Variants in KCNQ1OT1 observed in about 807,000 individuals in gnomAD.
KCNQ1OT1 encodes the protein KCNQ1 opposite strand/antisense transcript 1.
chr11:2,634,579 T>C (rs1274939625), exon 1 of KCNQ1OT1: 1 of 152,192 alleles, frequency 6.6e-6, no homozygotes, highest in Non-Finnish European at 1.5e-5. Flanking sequence ...CAGTCTATCA[T>C]TGATGGACAT....
At position 2,646,688 on chromosome 11, in the gene KCNQ1OT1, C is replaced by G. The variant is rs183750331; in HGVS notation, n.53307G>C. 13 of 398,590 alleles carry G rather than the reference C, an allele frequency of 3.3e-5. No homozygotes were observed. The East Asian group carries it at 4.6e-4, about 14-fold the overall frequency. 24.7% of individuals were successfully genotyped at this position (398,590 alleles called of 1,614,324 possible). On this transcript the variant is annotated non_coding_transcript_exon_variant, in exon 1 of 1. Transcript: ENST00000597346. Reference sequence around the variant, plus strand: ...TTCAGGTGCAGGCCACCACGCCCAGCTCATTTTTGTACTGATGAGGTTTTG... The same window carrying G: ...TTCAGGTGCAGGCCACCACGCCCAGGTCATTTTTGTACTGATGAGGTTTTG...
chr11:2,632,145 TA>T, exon 1 of KCNQ1OT1: 1 of 365,398 alleles, frequency 2.7e-6, no homozygotes, highest in Non-Finnish European at 4.6e-6. Flanking sequence ...ATCGCGCCAC[TA>T]CACTCTAGCC....
chr11:2,699,709 C>A (rs1426499070), exon 1 of KCNQ1OT1: 7 of 228,480 alleles, frequency 3.1e-5, no homozygotes, highest in African/African-American at 5.4e-5. Context: ...AGGAGAACGG[C>A]GCCGAGGAGT....
exon 1 of KCNQ1OT1, chr11:2,697,398 G>A (rs1237397304): frequency 2.5e-6 from 1 of 398,344 alleles, no homozygotes; most frequent in Admixed American, 4.4e-5. Context: ...TCTTGTATTA[G>A]GGTATGGCCA....
exon 1 of KCNQ1OT1, chr11:2,655,480 A>G (rs1454333645): frequency 7.5e-6 from 3 of 398,586 alleles, no homozygotes; most frequent in Non-Finnish European, 1.3e-5. Flanking sequence ...TACCTCCTGC[A>G]GAGCCTGGAT....
chr11:2,677,758 C>T lies in KCNQ1OT1; in HGVS notation n.22237G>A. The stretch of plus-strand genomic sequence containing the variant: ...TTGGTCTCCGTTTTCAGTGGATTTA[C>T]TTTAAGAGATCCTCCCTTTCCCCCC... On this transcript the variant is annotated non_coding_transcript_exon_variant, in exon 1 of 1. Transcript: ENST00000597346. The surrounding 1 kb of genome is among the most constrained non-coding windows in gnomAD (Gnocchi z 4.5). The T allele has an allele frequency of 2.5e-6, 1 of 398,502 alleles. No individual in the cohort carries two copies. The highest frequency in any genetic ancestry group is 4.4e-6 in the Non-Finnish European group (1 of 226,030). 24.7% of individuals were successfully genotyped at this position (398,502 alleles called of 1,614,324 possible).
In KCNQ1OT1 at chr11:2,690,611, G is replaced by T; in HGVS notation, n.9384C>A. 2.5e-6 allele frequency: 1 copy of T among 398,684 alleles called. No individual in the cohort carries two copies. The highest frequency in any genetic ancestry group is 3.6e-5 in the East Asian group (1 of 28,080). 24.7% of individuals were successfully genotyped at this position (398,684 alleles called of 1,614,324 possible). A position where few individuals can be genotyped will look rare whatever the true frequency, so the allele number is the denominator to read the frequency against. ...CTGGCAGGGAGTGGGGCACACATAT[G>T]TGCATGTTCATATATGTGTCAGAAT... On this transcript the variant is annotated non_coding_transcript_exon_variant, in exon 1 of 1. Coordinates refer to ENST00000597346, the Ensembl canonical transcript of KCNQ1OT1. The surrounding 1 kb of genome is among the most constrained non-coding windows in gnomAD (Gnocchi z 5.1).
rs116545058 is a variant in KCNQ1OT1 at position 2,627,966 on chromosome 11, G to A, written n.72029C>T. 4,732 of 398,420 alleles carry A rather than the reference G, an allele frequency of 0.012. 108 individuals carry two copies. The highest frequency in any genetic ancestry group is 0.054 in the South Asian group (423 of 7,846). 24.7% of individuals were successfully genotyped at this position (398,420 alleles called of 1,614,324 possible). On this transcript the variant is annotated non_coding_transcript_exon_variant, in exon 1 of 1. Coordinates refer to ENST00000597346, the Ensembl canonical transcript of KCNQ1OT1. This position sits in a 1 kb window ranked among gnomAD's most constrained non-coding sequence, Gnocchi z 4.9. ...AGGGTATCACTATGTTTCCTAGGCT[G>A]GTCTCAAACTCCTGTGTTCAAGCTA...
chr11:2,671,377 G>A lies in KCNQ1OT1; in HGVS notation n.28618C>T, dbSNP rs1228779775. ...TGGGAATATCCTGAAAAAGGTACAG[G>A]AACACCTGGCATGCCTCTCCCAGGG... On this transcript the variant is annotated non_coding_transcript_exon_variant, in exon 1 of 1. Transcript: ENST00000597346. This position sits in a 1 kb window ranked among gnomAD's most constrained non-coding sequence, Gnocchi z 4.7. 9 of 398,394 alleles carry A rather than the reference G, an allele frequency of 2.3e-5. No individual in the cohort carries two copies. Among genetic ancestry groups the A allele is most frequent in the Admixed American group, 1.3e-4 (3 of 22,694 alleles). The allele number at this position is 398,394 out of a possible 1,614,324, so 24.7% of individuals were successfully genotyped here.
chr11:2,686,808 C>G (rs979791645), exon 1 of KCNQ1OT1: 1 of 398,584 alleles, frequency 2.5e-6, no homozygotes, highest in East Asian at 3.6e-5. Flanking sequence ...CCCTGCTCAC[C>G]CCTAAAGAGC....
chr11:2,625,323 A>G, exon 1 of KCNQ1OT1: 1 of 398,596 alleles, frequency 2.5e-6, no homozygotes, highest in Non-Finnish European at 4.4e-6. Flanking sequence ...TGATCATGGC[A>G]CACTGCAGCC....
exon 1 of KCNQ1OT1, chr11:2,649,257 T>G: frequency 2.5e-6 from 1 of 398,466 alleles, no homozygotes; most frequent in Non-Finnish European, 4.4e-6. Context: ...CATTTTATTG[T>G]TTTCTGACTG....
At chr11:2,656,520 C>T (rs1406783116) in exon 1 of KCNQ1OT1, 1 of 398,570 alleles carries the variant, frequency 2.5e-6, no homozygotes, top group Non-Finnish European at 4.4e-6. Flanking sequence ...ATTTACATTT[C>T]CCTGATTGCT....
At chr11:2,629,335 T>G (rs570115788) in exon 1 of KCNQ1OT1, 9 of 398,340 alleles carry the variant, frequency 2.3e-5, no homozygotes, top group Non-Finnish European at 4.0e-5. Flanking sequence ...CTAAATGTTA[T>G]GCAGTCCAAT....
In KCNQ1OT1 at chr11:2,687,140, C is replaced by T. The variant is rs151209; in HGVS notation, n.12855G>A. 1 of 398,664 alleles carries T rather than the reference C, an allele frequency of 2.5e-6. No homozygotes were observed. The highest frequency in any genetic ancestry group is 4.4e-5 in the Admixed American group (1 of 22,748). 24.7% of individuals were successfully genotyped at this position (398,664 alleles called of 1,614,324 possible). ...CAAACTGCACAGGGAGGGGAGGAAT[C>T]TGAGCCAGCTTCCTCCACAAAGCAC... is the stretch of plus-strand genomic sequence containing the variant. On this transcript the variant is annotated non_coding_transcript_exon_variant, in exon 1 of 1. Transcript: ENST00000597346. The surrounding 1 kb of genome is among the most constrained non-coding windows in gnomAD (Gnocchi z 5.0).
At chr11:2,660,361 G>A (rs1849929932) in exon 1 of KCNQ1OT1, 3 of 398,366 alleles carry the variant, frequency 7.5e-6, no homozygotes, top group Non-Finnish European at 1.3e-5. Flanking sequence ...AGAGAGAATT[G>A]TATTACGCTG....
rs1354521649 is a variant in KCNQ1OT1 at position 2,624,324 on chromosome 11, A to G, written n.75671T>C. ...TTTATATATTTTGGATGAGTCCTTT[A>G]TCAGGTATATCTTTTACAAGTATTG... On this transcript the variant is annotated non_coding_transcript_exon_variant, in exon 1 of 1. Transcript: ENST00000597346. The surrounding 1 kb of genome is among the most constrained non-coding windows in gnomAD (Gnocchi z 4.9). 4 of 398,388 alleles carry G rather than the reference A, an allele frequency of 1.0e-5. No homozygotes were observed. Among genetic ancestry groups the G allele is most frequent in the Middle Eastern group, 6.2e-4 (1 of 1,610 alleles). 24.7% of individuals were successfully genotyped at this position (398,388 alleles called of 1,614,324 possible).
chr11:2,696,105 T>C, exon 1 of KCNQ1OT1: 2 of 398,680 alleles, frequency 5.0e-6, no homozygotes, highest in Non-Finnish European at 8.8e-6. Flanking sequence ...AAATCCTTAA[T>C]CCATAATCAT....
chr11:2,640,781 C>A, exon 1 of KCNQ1OT1: 1 of 398,440 alleles, frequency 2.5e-6, no homozygotes, highest in Non-Finnish European at 4.4e-6. Flanking sequence ...ATTATTTATT[C>A]TAACTAGCTG....
Sources: allele counts gnomAD v4.1 joint callset, GRCh38; gene constraint gnomAD v4.1.1; non-coding constraint Gnocchi (gnomAD v3.1); transcripts MANE v1.5; gene names NCBI Gene and HGNC (gene_info 2026-07-23, HGNC 2026-07-21).